Variants in RHBDD1 observed in about 807,000 individuals in gnomAD.
RHBDD1 encodes rhomboid-related protein 4.
A neutral mutation model predicts 36.3 loss-of-function variants in RHBDD1; 38 were observed. That is an observed-to-expected ratio of 1.05 (90% confidence interval 0.81 to 1.37). The LOEUF (loss-of-function observed/expected upper bound fraction) is 1.37, where lower values mean the gene tolerates loss of function less well. Ranked by LOEUF, RHBDD1 falls within the 40% of genes most tolerant of loss-of-function variation. The pLI is 0.00. For synonymous variants in RHBDD1, 151 were observed against 136.5 expected, an observed-to-expected ratio of 1.11 and a Z score of -0.74; for missense variants, 393 against 377.6, an observed-to-expected ratio of 1.04 and a Z score of -0.34.
At chr2:226,959,331 A>T (rs1233197718) in intron 8 of RHBDD1, among the ~76,000 whole-genome samples, 2 of 152,170 alleles carry the variant, frequency 1.3e-5, no homozygotes, top group Non-Finnish European at 2.9e-5. Flanking sequence ...TTATCATTTG[A>T]TTGATATATA....
intron 3 of RHBDD1, among the ~76,000 whole-genome samples, chr2:226,855,099 A>G (rs1943193917): frequency 2.0e-5 from 3 of 152,246 alleles, no homozygotes; most frequent in Admixed American, 6.5e-5. Flanking sequence ...GCAGGCTATT[A>G]TAAAGGACAT....
At chr2:226,980,915 TTTG>T (rs1392103338) in intron 8 of RHBDD1, among the ~76,000 whole-genome samples, 5 of 152,224 alleles carry the variant, frequency 3.3e-5, no homozygotes, top group African/African-American at 9.6e-5. Context: ...TAACTCATTT[TTTG>T]TTGTTATTGA....
chr2:226,818,370 G>A, the RHBDD1 span, among the ~76,000 whole-genome samples: 6,130 of 150,216 alleles, frequency 0.041, 428 homozygotes, highest in African/African-American at 0.14. Flanking sequence ...GTTTCACTGT[G>A]TTAGCCAGGA....
chr2:226,952,220 T>G lies in RHBDD1; in HGVS notation c.856+37869T>G, dbSNP rs143214206. On this transcript the variant is annotated intron_variant, in intron 8 of 8. Coordinates refer to ENST00000392062, the MANE Select transcript of RHBDD1 (RefSeq NM_001167608.3). Reference sequence around the variant, plus strand: ...AATCAAAGTGAGAGGCCCACATTTATTTTTGTATCTCCCAAAAAGCTGTAG... The same window carrying G: ...AATCAAAGTGAGAGGCCCACATTTAGTTTTGTATCTCCCAAAAAGCTGTAG... Among the ~76,000 whole-genome samples the G allele has an allele frequency of 1.4e-4, 22 of 152,234 alleles. No homozygotes were observed. The East Asian group carries it at 4.2e-3, about 29-fold the overall frequency.
At chr2:226,820,580 G>T in the RHBDD1 span, among the ~76,000 whole-genome samples, 1 of 143,752 alleles carries the variant, frequency 7.0e-6, no homozygotes, top group South Asian at 2.2e-4. Flanking sequence ...GGCTATGGCG[G>T]AAGGATCACT....
chr2:226,828,897 T>C, the RHBDD1 span, among the ~76,000 whole-genome samples: 1 of 152,298 alleles, frequency 6.6e-6, no homozygotes, highest in African/African-American at 2.4e-5. Flanking sequence ...TTTTTAAATT[T>C]TGAGGTCCAA....
At chr2:226,897,461 G>C (rs944928190) in intron 5 of RHBDD1, among the ~76,000 whole-genome samples, 1 of 152,166 alleles carries the variant, frequency 6.6e-6, no homozygotes, top group African/African-American at 2.4e-5. Context: ...AGTCCATTTA[G>C]TGTTGCTATA....
intron 3 of RHBDD1, among the ~76,000 whole-genome samples, chr2:226,841,189 GT>G (rs1941588188): frequency 1.3e-5 from 2 of 151,992 alleles, no homozygotes; most frequent in Non-Finnish European, 2.9e-5. Context: ...TTGGAGTGCA[GT>G]GGTGTGATCT....
At chr2:226,946,936 A>C (rs1471357116) in intron 8 of RHBDD1, among the ~76,000 whole-genome samples, 3 of 152,322 alleles carry the variant, frequency 2.0e-5, no homozygotes, top group Non-Finnish European at 4.4e-5. Flanking sequence ...CAGTAAACAT[A>C]ATTCATCACA....
intron 7 of RHBDD1, among the ~76,000 whole-genome samples, chr2:226,910,769 A>C (rs1050827608): frequency 6.6e-6 from 1 of 152,132 alleles, no homozygotes; most frequent in Non-Finnish European, 1.5e-5. Flanking sequence ...TTTATTATGA[A>C]GATTTTAAAA....
chr2:226,984,916 C>T (rs942349295), intron 8 of RHBDD1, among the ~76,000 whole-genome samples: 3 of 128,608 alleles, frequency 2.3e-5, no homozygotes, highest in Non-Finnish European at 4.8e-5. Flanking sequence ...CTGATGCTCT[C>T]CTGGGGGTTG....
intron 8 of RHBDD1, among the ~76,000 whole-genome samples, chr2:226,948,610 A>AG (rs397960905): frequency 6.7e-6 from 1 of 149,516 alleles, no homozygotes; most frequent in African/African-American, 2.4e-5. Context: ...ATAAAAAAAA[A>AG]TAAAATAAAC....
chr2:226,899,728 A>G (rs1947435925), intron 5 of RHBDD1, among the ~76,000 whole-genome samples: 1 of 152,222 alleles, frequency 6.6e-6, no homozygotes, highest in Non-Finnish European at 1.5e-5. Context: ...TGTCATCAAA[A>G]TAGGATGCTG....
At chr2:226,877,865 C>A (rs1434826632) in intron 5 of RHBDD1, among the ~76,000 whole-genome samples, 1 of 152,070 alleles carries the variant, frequency 6.6e-6, no homozygotes, top group African/African-American at 2.4e-5. Context: ...AGTGCAGTGA[C>A]TATTGGTATT....
At chr2:226,911,791 C>T (rs1399220212) in intron 7 of RHBDD1, among the ~76,000 whole-genome samples, 2 of 151,982 alleles carry the variant, frequency 1.3e-5, no homozygotes, top group African/African-American at 4.8e-5. Flanking sequence ...TTGTCTCCTT[C>T]TCCTGTTCTA....
chr2:226,879,522 A>G (rs376150534), intron 5 of RHBDD1, among the ~76,000 whole-genome samples: 8 of 152,244 alleles, frequency 5.3e-5, no homozygotes, highest in African/African-American at 1.9e-4. Context: ...AATGCTAATA[A>G]CAGTTGTTCA....
At chr2:226,967,436 AG>A (rs1021916284) in intron 8 of RHBDD1, among the ~76,000 whole-genome samples, 1 of 152,014 alleles carries the variant, frequency 6.6e-6, no homozygotes, top group Non-Finnish European at 1.5e-5. Flanking sequence ...CACAATGTGC[AG>A]GTTTGTTACA....
chr2:226,848,840 T>TTAA (rs1489107858), intron 3 of RHBDD1, among the ~76,000 whole-genome samples: 8 of 152,174 alleles, frequency 5.3e-5, no homozygotes, highest in Non-Finnish European at 8.8e-5. Flanking sequence ...TATAAAATGG[T>TTAA]TAATAATAAT....
chr2:226,956,419 C>A (rs942721153), intron 8 of RHBDD1, among the ~76,000 whole-genome samples: 2 of 152,150 alleles, frequency 1.3e-5, no homozygotes, highest in African/African-American at 4.8e-5. Flanking sequence ...GACTGATTCC[C>A]CAGGAGACAT....
Sources: gnomAD v4.1 joint callset for allele counts (sites outside exome capture counted in the v4.1 genomes callset) on GRCh38, gnomAD v4.1.1 for gene constraint, MANE v1.5 for transcripts, NCBI Gene and HGNC (gene_info 2026-07-23, HGNC 2026-07-21) for gene names.